The following MCC variants were observed in gnomAD, a reference collection of about 807,000 sequenced individuals.
MCC encodes MCC regulator of Wnt signaling pathway, also known as colorectal mutant cancer protein.
Under a neutral mutation model 116.2 loss-of-function variants are expected in MCC, and 90 were observed. The ratio of observed to expected loss-of-function variants is 0.77; its 90% confidence interval spans 0.65 to 0.92. The LOEUF (loss-of-function observed/expected upper bound fraction) is 0.92. Ranked by LOEUF, MCC falls within the 40% of genes least tolerant of loss-of-function variation. The pLI is 0.00. For missense variants in MCC, 1,516 were observed against 1,312.2 expected, an observed-to-expected ratio of 1.16 and a Z score of -2.40; for synonymous variants, 578 against 510.5, an observed-to-expected ratio of 1.13 and a Z score of -1.78.
intron 3 of MCC, among the ~76,000 whole-genome samples, chr5:113,256,279 T>C (rs1470941692): frequency 6.6e-6 from 1 of 152,218 alleles, no homozygotes; most frequent in East Asian, 1.9e-4. Flanking sequence ...CCAGCACTGC[T>C]TATTTCATTC....
chr5:113,416,038 G>T (rs529538472), intron 1 of MCC, among the ~76,000 whole-genome samples: 1 of 152,216 alleles, frequency 6.6e-6, no homozygotes, highest in Admixed American at 6.6e-5. Flanking sequence ...CTAAGCTGCA[G>T]GTCTGTTGGT....
intron 3 of MCC, among the ~76,000 whole-genome samples, chr5:113,270,512 C>T (rs571726898): frequency 3.2e-4 from 48 of 151,298 alleles, no homozygotes; most frequent in Non-Finnish European, 4.9e-4. Context: ...CAAGGGCTAA[C>T]GTCCTTTAGA....
intron 3 of MCC, among the ~76,000 whole-genome samples, chr5:113,190,218 C>T (rs1762086056): frequency 6.6e-6 from 1 of 152,200 alleles, no homozygotes; most frequent in East Asian, 1.9e-4. Context: ...TGTGAGAGAA[C>T]TAGCTGTCTT....
intron 1 of MCC, among the ~76,000 whole-genome samples, chr5:113,458,963 G>C (rs954910700): frequency 6.6e-6 from 1 of 152,260 alleles, no homozygotes; most frequent in South Asian, 2.1e-4. Context: ...TTGTGGGAGA[G>C]TTATTGAGTA....
At chr5:113,345,892 A>G (rs1768121398) in intron 2 of MCC, among the ~76,000 whole-genome samples, 1 of 152,226 alleles carries the variant, frequency 6.6e-6, no homozygotes, top group South Asian at 2.1e-4. Context: ...TAAATAAGCC[A>G]TCAGGGACTA....
chr5:113,180,545 T>C (rs1234275788), intron 3 of MCC, among the ~76,000 whole-genome samples: 1 of 152,206 alleles, frequency 6.6e-6, no homozygotes. Context: ...TTGGGGGCTC[T>C]TTCTTCTTCA....
intron 1 of MCC, among the ~76,000 whole-genome samples, chr5:113,393,690 A>G (rs2150396283): frequency 6.6e-6 from 1 of 152,332 alleles, no homozygotes; most frequent in South Asian, 2.1e-4. Context: ...CTACATAGAG[A>G]GTATTCCCTA....
intron 17 of MCC, among the ~76,000 whole-genome samples, chr5:113,037,469 G>A (rs1370649698): frequency 6.6e-6 from 1 of 152,192 alleles, no homozygotes; most frequent in Non-Finnish European, 1.5e-5. Context: ...GAGGCGGGCG[G>A]ATCAGTTGAG....
chr5:113,054,113 A>T (rs1752662316), intron 14 of MCC, among the ~76,000 whole-genome samples, 154 bp from the exon 15 acceptor site: 1 of 152,230 alleles, frequency 6.6e-6, no homozygotes, highest in African/African-American at 2.4e-5. Flanking sequence ...TAGGAAAATG[A>T]TACCACCTTT....
At chr5:113,471,945 C>T (rs993520988) in intron 1 of MCC, among the ~76,000 whole-genome samples, 42 of 152,166 alleles carry the variant, frequency 2.8e-4, no homozygotes, top group African/African-American at 7.0e-4. Context: ...ACTCCGTGGG[C>T]GTGGGACCCT....
chr5:113,169,873 G>C (rs1393125565), intron 3 of MCC, among the ~76,000 whole-genome samples: 1 of 152,206 alleles, frequency 6.6e-6, no homozygotes, highest in Non-Finnish European at 1.5e-5. Context: ...GCAATTTAAA[G>C]ACTGGCCAGC....
intron 1 of MCC, among the ~76,000 whole-genome samples, chr5:113,479,546 A>G (rs981832900): frequency 1.1e-4 from 16 of 147,958 alleles, no homozygotes; most frequent in Admixed American, 3.3e-4. Context: ...CATAACGCCA[A>G]TGTGTCCTCT....
Position 113,023,634 on chromosome 5 carries a change from T to A in MCC, c.*3668A>T, listed in dbSNP as rs1417918147. 6.6e-6 allele frequency: 1 copy of A among 152,186 alleles called. No homozygotes were observed. The highest frequency in any genetic ancestry group is 1.5e-5 in the Non-Finnish European group (1 of 68,008). 9.4% of individuals were successfully genotyped at this position (152,186 alleles called of 1,614,324 possible). A position where few individuals can be genotyped will look rare whatever the true frequency, so the allele number is the denominator to read the frequency against. On this transcript the variant is annotated 3_prime_UTR_variant, in exon 19 of 19. Transcript: ENST00000408903. The stretch of plus-strand genomic sequence containing the variant: ...TCTGTTTGCTGAATCTAGAAGTAGG[T>A]AGAGCTGTAAATAGTTTAATAGAAT...
chr5:113,053,120 C>A (rs1752592249), intron 15 of MCC, among the ~76,000 whole-genome samples: 1 of 152,158 alleles, frequency 6.6e-6, no homozygotes, highest in Admixed American at 6.5e-5. Context: ...GTAGGGGACA[C>A]CAGCTTTCCA....
intron 1 of MCC, among the ~76,000 whole-genome samples, chr5:113,458,023 G>A (rs1399691240): frequency 2.6e-5 from 4 of 152,160 alleles, no homozygotes; most frequent in Non-Finnish European, 5.9e-5. Flanking sequence ...CTCAGGGATT[G>A]TAAACGCACC....
chr5:113,242,217 G>A (rs1156665716), intron 3 of MCC, among the ~76,000 whole-genome samples: 1 of 152,218 alleles, frequency 6.6e-6, no homozygotes, highest in Non-Finnish European at 1.5e-5. Context: ...GTTCATGTGT[G>A]TCAGGAGAGT....
intron 1 of MCC, among the ~76,000 whole-genome samples, chr5:113,409,465 C>CCTTA (rs574520817): frequency 6.6e-6 from 1 of 152,190 alleles, no homozygotes; most frequent in South Asian, 2.1e-4. Context: ...AATCCTCCTG[C>CCTTA]CTTAGCCTCC....
At chr5:113,300,456 C>T (rs773560841) in intron 3 of MCC, among the ~76,000 whole-genome samples, 18 of 152,182 alleles carry the variant, frequency 1.2e-4, no homozygotes, top group African/African-American at 3.4e-4. Flanking sequence ...TTCACACACA[C>T]GTGAATAATC....
intron 15 of MCC, among the ~76,000 whole-genome samples, chr5:113,052,039 T>C (rs1237902192): frequency 6.6e-6 from 1 of 152,160 alleles, no homozygotes; most frequent in African/African-American, 2.4e-5. Context: ...ATATTATGGA[T>C]TGTTCTCCTC....
Sources: gnomAD v4.1 joint callset for allele counts (sites outside exome capture counted in the v4.1 genomes callset) on GRCh38, gnomAD v4.1.1 for gene constraint, MANE v1.5 for transcripts, NCBI Gene and HGNC (gene_info 2026-07-23, HGNC 2026-07-21) for gene names.